USP34: variants seen among roughly 807,000 people sequenced by gnomAD.
The protein encoded by USP34 is ubiquitin carboxyl-terminal hydrolase 34.
In USP34, 70 loss-of-function variants were observed where a neutral mutation model predicts 460.3. That is an observed-to-expected ratio of 0.15 (90% confidence interval 0.13 to 0.19). USP34 has a LOEUF of 0.19. Among genes scored for constraint, USP34 ranks in the 10% least tolerant of loss-of-function variants. The pLI, the probability that USP34 is intolerant of heterozygous loss-of-function variation, is 1.00. For synonymous variants in USP34, 1,647 were observed against 1,405.3 expected (o/e 1.17, Z -3.85); for missense variants, 3,985 against 4,236.2 (o/e 0.94, Z 1.65).
intron 51 of USP34, 126 bp downstream of exon 51, chr2:61,245,084 C>A: frequency 1.6e-6 from 1 of 621,134 alleles, no homozygotes; most frequent in Non-Finnish European, 2.7e-6. Flanking sequence ...TAAATATAAA[C>A]TGAATAAATT....
At chr2:61,197,122 T>A (rs917745355) in intron 75 of USP34, among the ~76,000 whole-genome samples, 5 of 151,868 alleles carry the variant, frequency 3.3e-5, no homozygotes, top group African/African-American at 1.2e-4. Flanking sequence ...TTAAAAAAAA[T>A]AAAATACAAG....
At chr2:61,235,458 T>TGG (rs1688040554) in intron 57 of USP34, among the ~76,000 whole-genome samples, 1 of 152,002 alleles carries the variant, frequency 6.6e-6, no homozygotes, top group Non-Finnish European at 1.5e-5. Context: ...CCCGAGGTGC[T>TGG]GGGACTACAG....
intron 1 of USP34, among the ~76,000 whole-genome samples, chr2:61,451,220 C>CAAAAAAAAAAAAAAAAAA (rs70963432): frequency 7.9e-5 from 4 of 50,776 alleles, no homozygotes; most frequent in East Asian, 3.4e-4. Context: ...GGCTTCATCT[C>CAAAAAAAAAAAAAAAAAA]AAAAAAAAAA....
chr2:61,339,775 C>T (rs1448573348), intron 16 of USP34, 94 bp from the exon 17 acceptor site: 19 of 550,178 alleles, frequency 3.5e-5, no homozygotes, highest in East Asian at 1.0e-4. Context: ...GAAAAGTACA[C>T]GATATTTTTC....
At chr2:61,337,912 T>G (rs1691472596) in intron 18 of USP34, among the ~76,000 whole-genome samples, 1 of 152,236 alleles carries the variant, frequency 6.6e-6, no homozygotes, top group Non-Finnish European at 1.5e-5. Flanking sequence ...AACCACTTAT[T>G]AAAATTTGTG....
intron 21 of USP34, among the ~76,000 whole-genome samples, chr2:61,323,461 G>A (rs1690989884): frequency 6.7e-6 from 1 of 149,702 alleles, no homozygotes; most frequent in South Asian, 2.1e-4. Flanking sequence ...CTTGCAGGGA[G>A]CCGAGATTGT....
chr2:61,248,359 A>T, intron 49 of USP34, 152 bp downstream of exon 49: 1 of 685,060 alleles, frequency 1.5e-6, no homozygotes, highest in Non-Finnish European at 2.3e-6. Context: ...TTTACTGGTT[A>T]ACTGACTGAA....
At chr2:61,307,047 A>G (rs1412528796) in intron 27 of USP34, among the ~76,000 whole-genome samples, 2 of 152,178 alleles carry the variant, frequency 1.3e-5, no homozygotes, top group Non-Finnish European at 2.9e-5. Context: ...TCACAAGAGC[A>G]AAGACTTGGA....
chr2:61,372,015 T>C (rs868008815), intron 8 of USP34, among the ~76,000 whole-genome samples: 1 of 152,152 alleles, frequency 6.6e-6, no homozygotes, highest in African/African-American at 2.4e-5. Context: ...TTTCTCAGAA[T>C]GTATCCCTGT....
chr2:61,419,644 A>C (rs577730877), intron 2 of USP34, among the ~76,000 whole-genome samples: 9 of 152,206 alleles, frequency 5.9e-5, no homozygotes, highest in Admixed American at 2.0e-4. Context: ...TGGCAAACTT[A>C]TAGATCCTGA....
intron 44 of USP34, among the ~76,000 whole-genome samples, chr2:61,258,237 C>T (rs1232381319): frequency 6.6e-6 from 1 of 151,980 alleles, no homozygotes; most frequent in Non-Finnish European, 1.5e-5. Flanking sequence ...GCCTGTGGTC[C>T]CAGGCAGTGG....
chr2:61,214,823 T>G (rs1687354683), intron 67 of USP34, 129 bp from the exon 68 acceptor site: 1 of 1,077,038 alleles, frequency 9.3e-7, no homozygotes, highest in Non-Finnish European at 1.3e-6. Context: ...GAACATCTCT[T>G]TTAGTATCTT....
chr2:61,391,032 C>A (rs1471630814), intron 5 of USP34, among the ~76,000 whole-genome samples: 2 of 151,766 alleles, frequency 1.3e-5, no homozygotes, highest in African/African-American at 4.8e-5. Context: ...GAGGCGGAGG[C>A]TGAGGTGAGC....
At chr2:61,359,634 G>A (rs1268391895) in intron 10 of USP34, among the ~76,000 whole-genome samples, 2 of 151,786 alleles carry the variant, frequency 1.3e-5, no homozygotes, top group Non-Finnish European at 2.9e-5. Flanking sequence ...GACACTAGAA[G>A]AATGAAAATA....
At chr2:61,192,400 T>G (rs1337728934) in intron 76 of USP34, among the ~76,000 whole-genome samples, 1 of 152,202 alleles carries the variant, frequency 6.6e-6, no homozygotes. Context: ...ACACTTAAGG[T>G]AGGAACAGTA....
At chr2:61,335,399 A>G (rs960419876) in intron 18 of USP34, among the ~76,000 whole-genome samples, 2 of 152,214 alleles carry the variant, frequency 1.3e-5, no homozygotes, top group Admixed American at 1.3e-4. Context: ...TCAAATACCA[A>G]AACACATAAT....
chr2:61,245,062 C>T (rs1688383547), intron 51 of USP34, 148 bp downstream of exon 51: 1 of 562,854 alleles, frequency 1.8e-6, no homozygotes, highest in Non-Finnish European at 3.1e-6. Flanking sequence ...TGAGAACATA[C>T]TAAACTTCCA....
chr2:61,349,868 C>CAAA (rs1439037304), intron 12 of USP34, among the ~76,000 whole-genome samples: 97 of 64,538 alleles, frequency 1.5e-3, no homozygotes, highest in African/African-American at 5.2e-3. Flanking sequence ...ACAACAACAA[C>CAAA]AAAAAAACCC....
intron 5 of USP34, among the ~76,000 whole-genome samples, chr2:61,387,544 T>C (rs1418843962): frequency 6.8e-6 from 1 of 147,100 alleles, no homozygotes; most frequent in African/African-American, 2.5e-5. Context: ...CACACATATA[T>C]AAAATATATA....
Sources: gnomAD v4.1 joint callset for allele counts (sites outside exome capture counted in the v4.1 genomes callset) on GRCh38, gnomAD v4.1.1 for gene constraint, MANE v1.5 for transcripts, NCBI Gene and HGNC (gene_info 2026-07-23, HGNC 2026-07-21) for gene names.